JAZF1: variants seen among roughly 807,000 people sequenced by gnomAD.
JAZF1 encodes the protein JAZF zinc finger 1.
A neutral mutation model predicts 26.4 loss-of-function variants in JAZF1; 8 were observed. That is an observed-to-expected ratio of 0.30 (90% CI 0.18 to 0.55). The LOEUF is 0.55. Among genes scored for constraint, JAZF1 ranks in the 20% least tolerant of loss-of-function variants. JAZF1 has a pLI of 0.94. For missense variants in JAZF1, 199 were observed against 322.0 expected (o/e 0.62, Z 2.92); for synonymous variants, 126 against 122.3 (o/e 1.03, Z -0.20).
At chr7:28,079,103 C>T (rs1474860782) in intron 1 of JAZF1, among the ~76,000 whole-genome samples, 2 of 152,016 alleles carry the variant, frequency 1.3e-5, no homozygotes, top group African/African-American at 4.8e-5. Context: ...AATTCTCCCG[C>T]CTCAGCCTCC....
chr7:28,006,971 T>C (rs545944412), intron 1 of JAZF1, among the ~76,000 whole-genome samples: 1 of 152,222 alleles, frequency 6.6e-6, no homozygotes, highest in Non-Finnish European at 1.5e-5. Context: ...TTTTTGTTCT[T>C]GTATGACCCA....
intron 1 of JAZF1, among the ~76,000 whole-genome samples, chr7:28,141,193 C>T (rs1454675396): frequency 1.6e-5 from 1 of 60,808 alleles, no homozygotes; most frequent in Admixed American, 2.1e-4. Flanking sequence ...ACAGACACAA[C>T]TCAGAGAACA....
At chr7:27,974,238 C>T (rs1349450198) in intron 2 of JAZF1, among the ~76,000 whole-genome samples, 4 of 152,076 alleles carry the variant, frequency 2.6e-5, no homozygotes, top group Non-Finnish European at 5.9e-5. Flanking sequence ...GGACTAGGGT[C>T]CTCTCCACAT....
At chr7:27,949,246 G>T (rs1758643479) in intron 2 of JAZF1, among the ~76,000 whole-genome samples, 1 of 152,206 alleles carries the variant, frequency 6.6e-6, no homozygotes, top group African/African-American at 2.4e-5. Context: ...GCGATGCAAG[G>T]CAACTGTCAA....
At chr7:28,165,365 G>A (rs1215213427) in intron 1 of JAZF1, among the ~76,000 whole-genome samples, 1 of 152,158 alleles carries the variant, frequency 6.6e-6, no homozygotes, top group African/African-American at 2.4e-5. Context: ...GAGAACTAGA[G>A]TGCCAGTTAG....
chr7:28,076,597 C>T (rs1215521278), intron 1 of JAZF1, among the ~76,000 whole-genome samples: 1 of 151,600 alleles, frequency 6.6e-6, no homozygotes, highest in African/African-American at 2.4e-5. Context: ...TATCTATCTG[C>T]ACCAACATGA....
At chr7:28,177,877 A>G (rs906939362) in intron 1 of JAZF1, among the ~76,000 whole-genome samples, 8 of 152,168 alleles carry the variant, frequency 5.3e-5, no homozygotes, top group Non-Finnish European at 7.3e-5. Flanking sequence ...TAATTGGGAT[A>G]TTTTTATTCT....
At chr7:28,077,509 C>CT (rs1001806439) in intron 1 of JAZF1, among the ~76,000 whole-genome samples, 147 of 147,612 alleles carry the variant, frequency 1.0e-3, no homozygotes, top group African/African-American at 3.1e-3. Context: ...CTACTGGAGC[C>CT]TTTTTTTTTT....
At chr7:28,176,036 G>A (rs191067697) in intron 1 of JAZF1, among the ~76,000 whole-genome samples, 16 of 152,124 alleles carry the variant, frequency 1.1e-4, no homozygotes, top group African/African-American at 3.4e-4. Context: ...TTAATTAGAC[G>A]GTTTATAAAT....
At chr7:28,180,418 A>C in intron 1 of JAZF1, 45 bp downstream of exon 1, 6 of 1,345,822 alleles carry the variant, frequency 4.5e-6, no homozygotes, top group Non-Finnish European at 4.1e-6. Context: ...CCCGGGCAGG[A>C]GTTTCCGCGC....
intron 1 of JAZF1, among the ~76,000 whole-genome samples, chr7:28,062,348 C>T (rs1783811803): frequency 6.6e-6 from 1 of 152,134 alleles, no homozygotes. Context: ...GTAATGGCTC[C>T]AGAGTACTGT....
At chr7:27,869,450 A>G (rs1043147258) in intron 3 of JAZF1, among the ~76,000 whole-genome samples, 1 of 152,216 alleles carries the variant, frequency 6.6e-6, no homozygotes, top group African/African-American at 2.4e-5. Flanking sequence ...GACTCTAGAC[A>G]GCAGTAGCTC....
intron 1 of JAZF1, among the ~76,000 whole-genome samples, chr7:28,161,015 G>A (rs1398186894): frequency 6.6e-6 from 1 of 152,118 alleles, no homozygotes; most frequent in Non-Finnish European, 1.5e-5. Flanking sequence ...GTCTAAGTCT[G>A]AACTCTGGTT....
At chr7:28,172,003 C>T (rs1783477238) in intron 1 of JAZF1, among the ~76,000 whole-genome samples, 1 of 152,048 alleles carries the variant, frequency 6.6e-6, no homozygotes, top group African/African-American at 2.4e-5. Context: ...GAAATCACAA[C>T]AAATCACAAA....
chr7:28,149,952 G>A (rs986138410), intron 1 of JAZF1, among the ~76,000 whole-genome samples: 8 of 152,168 alleles, frequency 5.3e-5, no homozygotes, highest in African/African-American at 1.4e-4. Flanking sequence ...CAAACACAGC[G>A]CCCACGTAAT....
At chr7:27,872,046 C>G (rs893283041) in intron 3 of JAZF1, among the ~76,000 whole-genome samples, 1 of 152,192 alleles carries the variant, frequency 6.6e-6, no homozygotes, top group Non-Finnish European at 1.5e-5. Context: ...TTTATAGCCA[C>G]AGAGCGCCCA....
intron 1 of JAZF1, among the ~76,000 whole-genome samples, chr7:28,038,402 A>G (rs915584895): frequency 3.9e-5 from 6 of 152,200 alleles, no homozygotes; most frequent in African/African-American, 1.4e-4. Context: ...TGTTAAGTAC[A>G]TGATTCATAT....
intron 1 of JAZF1, among the ~76,000 whole-genome samples, chr7:28,053,627 T>TAAC (rs1167665692): frequency 6.6e-6 from 1 of 152,222 alleles, no homozygotes; most frequent in Admixed American, 6.5e-5. Flanking sequence ...TACCTCCTAT[T>TAAC]AATGGCAAAA....
chr7:27,917,081 GA>G (rs1480844531), intron 2 of JAZF1, among the ~76,000 whole-genome samples: 1 of 152,130 alleles, frequency 6.6e-6, no homozygotes, highest in Admixed American at 6.5e-5. Flanking sequence ...TCTTAAAAAA[GA>G]AATAACCGAT....
Sources: allele counts gnomAD v4.1 joint callset (sites outside exome capture counted in the v4.1 genomes callset), GRCh38; gene constraint gnomAD v4.1.1; transcripts MANE v1.5; gene names NCBI Gene and HGNC (gene_info 2026-07-23, HGNC 2026-07-21).